GAS2L3: variants seen among roughly 807,000 people sequenced by gnomAD.
GAS2L3 encodes the protein GAS2-like protein 3.
Under a neutral mutation model 37.0 loss-of-function variants are expected in GAS2L3, and 28 were observed. That is an observed-to-expected ratio of 0.76 (90% CI 0.56 to 1.04). The LOEUF (loss-of-function observed/expected upper bound fraction) is 1.04. Among genes scored for constraint, GAS2L3 ranks in the 50% least tolerant of loss-of-function variants. The pLI is 0.00. For synonymous variants in GAS2L3, 290 were observed against 296.6 expected (o/e 0.98, Z 0.23); for missense variants, 793 against 817.6 (o/e 0.97, Z 0.37).
Position 100,591,729 on chromosome 12 carries a change from TTTACAG to T in GAS2L3, c.-151-6_-151-1del. ...TAAGAAGGAAATGGTCATATTTCAT[TTTACAG>T]ATCAGAACACTGAGGCTCAGAGAAG... On this transcript the variant is annotated splice_acceptor_variant and splice_polypyrimidine_tract_variant and intron_variant, in intron 1 of 9. Transcript: ENST00000547754. LOFTEE classifies it low-confidence loss of function (5UTR_SPLICE). The T allele has an allele frequency of 6.6e-6, 1 of 152,130 alleles. No homozygotes were observed. The highest frequency in any genetic ancestry group is 2.1e-4 in the South Asian group (1 of 4,824). 9.4% of individuals were successfully genotyped at this position (152,130 alleles called of 1,614,324 possible). A position where few individuals can be genotyped will look rare whatever the true frequency, so the allele number is the denominator to read the frequency against.
At chr12:100,582,867 C>A (rs963884102) in intron 1 of GAS2L3, among the ~76,000 whole-genome samples, 4 of 152,166 alleles carry the variant, frequency 2.6e-5, no homozygotes, top group Admixed American at 2.0e-4. Context: ...TTCCCAGTTT[C>A]CGCTGACACC....
intron 1 of GAS2L3, among the ~76,000 whole-genome samples, chr12:100,580,742 A>G (rs748160567): frequency 2.1e-4 from 32 of 152,230 alleles, no homozygotes; most frequent in Non-Finnish European, 4.0e-4. Flanking sequence ...TCCTTGAGTA[A>G]GATAGTCCAT....
intron 3 of GAS2L3, among the ~76,000 whole-genome samples, chr12:100,599,201 G>A (rs1955952628): frequency 1.3e-5 from 2 of 152,128 alleles, no homozygotes; most frequent in South Asian, 4.1e-4. Context: ...AGAAGGACAA[G>A]AGATATTTAT....
chr12:100,594,897 A>G lies in GAS2L3; in HGVS notation c.-8A>G. 7.4e-7 allele frequency: 1 copy of G among 1,345,514 alleles called. No homozygotes were observed. The highest frequency in any genetic ancestry group is 1.5e-5 in the African/African-American group (1 of 66,710). 83.3% of individuals were successfully genotyped at this position (1,345,514 alleles called of 1,614,324 possible). A position where few individuals can be genotyped will look rare whatever the true frequency, so the allele number is the denominator to read the frequency against. On this transcript the variant is annotated 5_prime_UTR_variant, in exon 3 of 10. The change creates a new upstream start codon in the 5' untranslated region. Coordinates refer to ENST00000547754, the MANE Select transcript of GAS2L3 (RefSeq NM_174942.3). The stretch of plus-strand genomic sequence containing the variant: ...CAGAAAAGAAATTTCATTTCAATAT[A>G]GGTGACTATGCAGCCTGCAATTCAA...
Position 100,600,501 on chromosome 12 carries a change from T to C in GAS2L3, c.138T>C (p.Thr46=). The C allele has an allele frequency of 6.2e-7, 1 of 1,613,922 alleles. No individual in the cohort carries two copies. Among genetic ancestry groups the C allele is most frequent in the Non-Finnish European group, 8.5e-7 (1 of 1,179,844 alleles). Residue 46 remains threonine (T), a synonymous_variant, in exon 4 of 10, where the codon ACT becomes ACC. Transcript: ENST00000547754. ...GGATAGCTGTGAGGCATGAAGCCAC[T>C]TTGTTGCCCATGCAAGAAGATCTGT... The part of the protein sequence containing the change: ...DEWIAVRHEA[T]LLPMQEDLSI...
intron 1 of GAS2L3, among the ~76,000 whole-genome samples, chr12:100,588,715 A>C (rs1955810286): frequency 6.6e-6 from 1 of 152,164 alleles, no homozygotes; most frequent in Non-Finnish European, 1.5e-5. Context: ...TAAGACAGAC[A>C]TTCCCAGAGC....
At chr12:100,593,968 A>AAG (rs1955878747) in intron 2 of GAS2L3, 3 of 152,084 alleles carry the variant, frequency 2.0e-5, no homozygotes, top group African/African-American at 7.2e-5. Flanking sequence ...TCCTGAAAGG[A>AAG]AAGTGGTATG....
At chr12:100,579,874 G>T in intron 1 of GAS2L3, 1 of 750,146 alleles carries the variant, frequency 1.3e-6, no homozygotes, top group South Asian at 1.4e-5. Flanking sequence ...GAAAATATCC[G>T]TAACATAGTA....
chr12:100,616,502 A>C (rs986844725), intron 6 of GAS2L3, among the ~76,000 whole-genome samples: 1 of 151,850 alleles, frequency 6.6e-6, no homozygotes, highest in Non-Finnish European at 1.5e-5. Context: ...ATGGCACGAT[A>C]ATAGCTCACT....
At chr12:100,584,117 T>C (rs555427962) in intron 1 of GAS2L3, among the ~76,000 whole-genome samples, 22 of 152,248 alleles carry the variant, frequency 1.4e-4, no homozygotes, top group Non-Finnish European at 2.6e-4. Context: ...TTCTATCAAC[T>C]CTATTTCCAA....
At position 100,627,126 on chromosome 12, in the gene GAS2L3, A is replaced by G. The variant is rs1045640579; in HGVS notation, c.*2236A>G. ...AAAGAAAAAGAAAAGAAAAAGGTTTATTTGAATAATTGGAAGTCAGTTTAT... is the reference window on the plus strand; with the variant it reads ...AAAGAAAAAGAAAAGAAAAAGGTTTGTTTGAATAATTGGAAGTCAGTTTAT... On this transcript the variant is annotated 3_prime_UTR_variant, in exon 10 of 10. Transcript: ENST00000547754. Among the ~76,000 whole-genome samples, 2 of 151,712 alleles carry G rather than the reference A, an allele frequency of 1.3e-5. No homozygotes were observed. The highest frequency in any genetic ancestry group is 4.8e-5 in the African/African-American group (2 of 41,350).
At position 100,618,567 on chromosome 12, in the gene GAS2L3, C is replaced by T; in HGVS notation, c.628C>T (p.His210Tyr). Residue 210 changes from histidine to tyrosine, a missense_variant, in exon 8 of 10, where the codon CAT becomes TAT. By Grantham distance (83) the His-to-Tyr change is moderately conservative. Transcript: ENST00000547754. Reference sequence around the variant, plus strand: ...CAGCATTCCAAAATCATGCTGTCGGCATGAAGAGCTACATGAAGCTGTAAG... The same window carrying T: ...CAGCATTCCAAAATCATGCTGTCGGTATGAAGAGCTACATGAAGCTGTAAG... ...SISIPKSCCR[H>Y]EELHEAVKHI... The T allele has an allele frequency of 5.0e-6, 8 of 1,611,482 alleles. No homozygotes were observed. Among genetic ancestry groups the T allele is most frequent in the Non-Finnish European group, 6.8e-6 (8 of 1,178,986 alleles).
At chr12:100,604,313 TAGCTTA>T (rs1477896056) in intron 5 of GAS2L3, among the ~76,000 whole-genome samples, 1 of 151,972 alleles carries the variant, frequency 6.6e-6, no homozygotes, top group Non-Finnish European at 1.5e-5. Flanking sequence ...TTTCACTTCT[TAGCTTA>T]AGTTAATTCC....
Position 100,585,177 on chromosome 12 carries a change from G to A in GAS2L3, c.-151-6559G>A, listed in dbSNP as rs1379165626. ...GCCTCCCAAAGTGCTGGGATTACAG[G>A]TGTGAGCCACTGTGCCTGGTCCTAC... On this transcript the variant is annotated intron_variant, in intron 1 of 9. Transcript: ENST00000547754. Among the ~76,000 whole-genome samples the A allele has an allele frequency of 2.0e-5, 3 of 151,496 alleles. No individual in the cohort carries two copies. The East Asian group carries it at 5.8e-4, about 29-fold the overall frequency.
intron 6 of GAS2L3, among the ~76,000 whole-genome samples, chr12:100,615,685 T>C (rs1956178270): frequency 1.3e-5 from 2 of 152,254 alleles, no homozygotes; most frequent in South Asian, 4.1e-4. Context: ...GAGGTAGGGG[T>C]TCAAATTCAT....
intron 9 of GAS2L3, 129 bp from the exon 10 acceptor site, chr12:100,623,433 G>T: frequency 1.5e-6 from 1 of 675,854 alleles, no homozygotes; most frequent in South Asian, 3.0e-5. Context: ...CTGTCAATTT[G>T]TAGTGAGGCT....
intron 1 of GAS2L3, among the ~76,000 whole-genome samples, chr12:100,590,587 A>G (rs1955833940): frequency 6.6e-6 from 1 of 152,194 alleles, no homozygotes; most frequent in Admixed American, 6.5e-5. Context: ...AGAGGAAAAG[A>G]AGTCATTCGA....
chr12:100,598,095 T>G (rs1054806206), intron 3 of GAS2L3, among the ~76,000 whole-genome samples: 1 of 152,098 alleles, frequency 6.6e-6, no homozygotes, highest in Non-Finnish European at 1.5e-5. Flanking sequence ...AATATTTTAG[T>G]GTGTATTTCT....
chr12:100,608,330 C>T (rs1311598864), intron 5 of GAS2L3, among the ~76,000 whole-genome samples: 1 of 152,164 alleles, frequency 6.6e-6, no homozygotes, highest in Non-Finnish European at 1.5e-5. Flanking sequence ...CTGTTTCACA[C>T]CTGAAGGCAG....
Sources: gnomAD v4.1 joint callset for allele counts (sites outside exome capture counted in the v4.1 genomes callset) on GRCh38, gnomAD v4.1.1 for gene constraint, MANE v1.5 for transcripts, NCBI Gene and HGNC (gene_info 2026-07-23, HGNC 2026-07-21) for gene names.